The following CRTAC1 variants were observed in gnomAD, a reference collection of about 807,000 sequenced individuals.
CRTAC1 encodes the protein cartilage acidic protein 1, also known as acidic secreted protein in cartilage.
In CRTAC1, 37 loss-of-function variants were observed where a neutral mutation model predicts 67.8. That is an observed-to-expected ratio of 0.55 (90% CI 0.42 to 0.72). CRTAC1 has a LOEUF of 0.72. Among genes scored for constraint, CRTAC1 ranks in the 30% least tolerant of loss-of-function variants. The pLI is 0.00. For synonymous variants in CRTAC1, 348 were observed against 371.0 expected (o/e 0.94, Z 0.71); for missense variants, 780 against 931.6 (o/e 0.84, Z 2.12).
chr10:97,901,469 G>A, intron 8 of CRTAC1, 34 bp downstream of exon 8: 1 of 1,613,856 alleles, frequency 6.2e-7, no homozygotes, highest in South Asian at 1.1e-5. Context: ...AGCTGTCAAG[G>A]ATGAAGAGCC....
intron 2 of CRTAC1, among the ~76,000 whole-genome samples, chr10:98,007,743 C>T (rs928816115): frequency 1.4e-4 from 21 of 152,140 alleles, no homozygotes; most frequent in African/African-American, 4.1e-4. Context: ...AGGATGACTC[C>T]AAAGTCCTAT....
At chr10:97,879,731 T>C (rs1258536247) in intron 14 of CRTAC1, 2 of 1,550,316 alleles carry the variant, frequency 1.3e-6, no homozygotes, top group African/African-American at 1.4e-5. Context: ...GAGAAAGATA[T>C]GAGGCCCGAG....
chr10:97,869,589 G>A (rs2050068629), intron 14 of CRTAC1: 1 of 152,390 alleles, frequency 6.6e-6, no homozygotes, highest in Non-Finnish European at 1.5e-5. Flanking sequence ...GGGCGGGTGT[G>A]TGTGAAACCA....
At chr10:97,879,541 G>T (rs2050183944) in intron 14 of CRTAC1, 2 of 1,031,750 alleles carry the variant, frequency 1.9e-6, no homozygotes, top group East Asian at 2.8e-5. Context: ...CCTTTTCAAA[G>T]ATGGCCACCC....
intron 2 of CRTAC1, among the ~76,000 whole-genome samples, chr10:97,993,522 T>C (rs1241107777): frequency 6.6e-6 from 1 of 152,248 alleles, no homozygotes; most frequent in Admixed American, 6.5e-5. Context: ...GGGGATCATA[T>C]TCTTGTATCT....
chr10:97,902,397 C>T (rs935466474), intron 7 of CRTAC1, among the ~76,000 whole-genome samples: 21 of 152,140 alleles, frequency 1.4e-4, no homozygotes, highest in Admixed American at 4.6e-4. Flanking sequence ...TCTTGGGAGT[C>T]TTTTTATTTT....
intron 1 of CRTAC1, among the ~76,000 whole-genome samples, chr10:98,025,234 G>A (rs1158287345): frequency 6.6e-6 from 1 of 152,120 alleles, no homozygotes; most frequent in African/African-American, 2.4e-5. Flanking sequence ...CAATCTTGGT[G>A]TTAATGACAT....
At chr10:97,974,843 TAA>T (rs1448557209) in intron 2 of CRTAC1, among the ~76,000 whole-genome samples, 1 of 152,092 alleles carries the variant, frequency 6.6e-6, no homozygotes, top group Admixed American at 6.5e-5. Flanking sequence ...GTAACGACCT[TAA>T]AGAGTCTGCG....
chr10:97,961,197 G>C (rs963294446), intron 2 of CRTAC1, among the ~76,000 whole-genome samples: 1 of 152,076 alleles, frequency 6.6e-6, no homozygotes, highest in African/African-American at 2.4e-5. Flanking sequence ...CCTGCTTGAA[G>C]ACCCCACCCC....
intron 2 of CRTAC1, among the ~76,000 whole-genome samples, chr10:97,968,409 A>AT (rs879613458): frequency 2.4e-4 from 37 of 151,928 alleles, no homozygotes; most frequent in Middle Eastern, 3.4e-3. Flanking sequence ...TGCCTGGCTA[A>AT]TTTTTTTTGT....
rs76800983 is a variant in CRTAC1, at chr10:97,884,529, C to T, written c.1487-178G>A. On this transcript the variant is annotated intron_variant, in intron 11 of 14. Coordinates refer to ENST00000370597, the MANE Select transcript of CRTAC1 (RefSeq NM_018058.7). ...TCCCTCCTCTCTGGAGCAATGCTGT[C>T]CAATAGACCTGTCTGTCTGCAAGGA... is the stretch of plus-strand genomic sequence containing the variant. 256 of 618,352 alleles carry T rather than the reference C, an allele frequency of 4.1e-4. 2 individuals carry two copies. The East Asian group carries it at 6.9e-3, about 17-fold the overall frequency. 38.3% of individuals were successfully genotyped at this position (618,352 alleles called of 1,614,324 possible).
rs750812357 is a variant in CRTAC1 at position 97,936,219 on chromosome 10, C to T, written c.372G>A (p.Gly124=). Residue 124 remains glycine, a synonymous_variant, in exon 3 of 15, where the codon GGG becomes GGA. Transcript: ENST00000370597. The part of the protein sequence containing the change: ...AIGVTACDID[G]DGREEIYFLN... ...GGAAGTAGATCTCCTCCCGGCCGTC[C>T]CCGTCGATGTCGCAGGCTGTGACCC... The T allele has an allele frequency of 6.2e-7, 1 of 1,613,946 alleles. No homozygotes were observed. Among genetic ancestry groups the T allele is most frequent in the South Asian group, 1.1e-5 (1 of 91,032 alleles).
At chr10:97,972,076 G>T (rs2136653936) in intron 2 of CRTAC1, among the ~76,000 whole-genome samples, 1 of 152,304 alleles carries the variant, frequency 6.6e-6, no homozygotes, top group South Asian at 2.1e-4. Context: ...TGTCTGGCCT[G>T]ACCATCACAC....
intron 2 of CRTAC1, among the ~76,000 whole-genome samples, chr10:97,959,578 A>C (rs2051491644): frequency 6.6e-6 from 1 of 152,206 alleles, no homozygotes; most frequent in African/African-American, 2.4e-5. Context: ...GAGGGTATTA[A>C]GTAAAAATGC....
At chr10:97,974,589 G>A (rs1166914327) in intron 2 of CRTAC1, among the ~76,000 whole-genome samples, 1 of 152,174 alleles carries the variant, frequency 6.6e-6, no homozygotes, top group East Asian at 1.9e-4. Flanking sequence ...GGTGGAAATT[G>A]TTTTCTCCTC....
At chr10:97,881,716 T>C (rs1233133120) in intron 13 of CRTAC1, among the ~76,000 whole-genome samples, 2 of 152,104 alleles carry the variant, frequency 1.3e-5, no homozygotes, top group Non-Finnish European at 2.9e-5. Context: ...TGGGTGGGCA[T>C]GTGGAGAGTG....
At chr10:97,945,826 T>A (rs1440700945) in intron 2 of CRTAC1, among the ~76,000 whole-genome samples, 1 of 152,200 alleles carries the variant, frequency 6.6e-6, no homozygotes, top group African/African-American at 2.4e-5. Context: ...AAGAAAGGGA[T>A]GGTTGGCACC....
chr10:97,996,118 AC>A (rs1343083398), intron 2 of CRTAC1, among the ~76,000 whole-genome samples: 1 of 151,718 alleles, frequency 6.6e-6, no homozygotes, highest in Non-Finnish European at 1.5e-5. Context: ...TAGACCTAAA[AC>A]CATAAAAACC....
chr10:98,005,100 A>ATCTTTTTTTTT, intron 2 of CRTAC1, among the ~76,000 whole-genome samples: 1 of 48,926 alleles, frequency 2.0e-5, no homozygotes, highest in African/African-American at 1.2e-4. Flanking sequence ...ATATATATAT[A>ATCTTTTTTTTT]TTTTTTTTTT....
Sources: allele counts gnomAD v4.1 joint callset (sites outside exome capture counted in the v4.1 genomes callset), GRCh38; gene constraint gnomAD v4.1.1; transcripts MANE v1.5; gene names NCBI Gene and HGNC (gene_info 2026-07-23, HGNC 2026-07-21).